Variants in CHRM3 observed in about 807,000 individuals in gnomAD.
The protein encoded by CHRM3 is muscarinic acetylcholine receptor M3.
CHRM3 carries 11 observed loss-of-function variants against 41.8 expected under a neutral mutation model. That is an observed-to-expected ratio of 0.26 (90% CI 0.17 to 0.44). The LOEUF (loss-of-function observed/expected upper bound fraction) is 0.44, where lower values mean the gene tolerates loss of function less well. CHRM3 is among the 20% of genes least tolerant of loss of function. The pLI, the probability that CHRM3 is intolerant of heterozygous loss-of-function variation, is 1.00. For missense variants in CHRM3, 571 were observed against 745.4 expected (o/e 0.77, Z 2.72); for synonymous variants, 297 against 301.4 (o/e 0.99, Z 0.15).
intron 3 of CHRM3, among the ~76,000 whole-genome samples, chr1:239,576,788 T>TA (rs529490070): frequency 0.12 from 16,659 of 133,322 alleles, 1,910 homozygotes; most frequent in African/African-American, 0.31. Flanking sequence ...AGACCCTATC[T>TA]AAAAAAAAAA....
intron 1 of CHRM3, among the ~76,000 whole-genome samples, chr1:239,483,019 C>T (rs1666959918): frequency 6.6e-6 from 1 of 152,146 alleles, no homozygotes; most frequent in Non-Finnish European, 1.5e-5. Flanking sequence ...TTGTAAAAGA[C>T]ACTATTTGAA....
chr1:239,720,409 C>CA (rs962074432), intron 5 of CHRM3, among the ~76,000 whole-genome samples: 11 of 151,578 alleles, frequency 7.3e-5, no homozygotes, highest in South Asian at 2.1e-4. Flanking sequence ...TCTGAAACCC[C>CA]AAAAAAACCT....
At chr1:239,802,546 G>A (rs1024248437) in intron 5 of CHRM3, among the ~76,000 whole-genome samples, 3 of 152,166 alleles carry the variant, frequency 2.0e-5, no homozygotes, top group Non-Finnish European at 4.4e-5. Flanking sequence ...AGGAAAAGAA[G>A]CAGGGGGTCA....
chr1:239,640,271 T>C (rs1214642803), intron 4 of CHRM3, among the ~76,000 whole-genome samples: 3 of 152,240 alleles, frequency 2.0e-5, no homozygotes, highest in Non-Finnish European at 4.4e-5. Flanking sequence ...AGGATGATGC[T>C]GGCATCATAA....
At chr1:239,566,159 C>T (rs1661345626) in intron 3 of CHRM3, among the ~76,000 whole-genome samples, 1 of 152,060 alleles carries the variant, frequency 6.6e-6, no homozygotes, top group Non-Finnish European at 1.5e-5. Context: ...AGCAATTCTC[C>T]CGCCCTCTCT....
At chr1:239,415,080 G>C (rs552076411) in intron 1 of CHRM3, among the ~76,000 whole-genome samples, 1 of 152,264 alleles carries the variant, frequency 6.6e-6, no homozygotes, top group East Asian at 1.9e-4. Context: ...TTCAGTTTCT[G>C]GAGTAAAGTA....
chr1:239,616,615 C>T (rs1419352020), intron 3 of CHRM3, among the ~76,000 whole-genome samples: 2 of 151,974 alleles, frequency 1.3e-5, no homozygotes, highest in African/African-American at 2.4e-5. Context: ...TGTTGTTTGC[C>T]GTACCAGCAG....
intron 5 of CHRM3, chr1:239,703,746 C>T (rs1057444023): frequency 6.4e-4 from 98 of 152,178 alleles, no homozygotes; most frequent in African/African-American, 2.2e-3. Context: ...AGTAAAGTTA[C>T]TTGAACACCC....
chr1:239,553,796 A>G (rs142883240), intron 3 of CHRM3, among the ~76,000 whole-genome samples: 1 of 152,280 alleles, frequency 6.6e-6, no homozygotes, highest in East Asian at 1.9e-4. Context: ...GTCCCTTTAG[A>G]TATCCCCTCA....
At chr1:239,407,844 A>G (rs1204404314) in intron 1 of CHRM3, among the ~76,000 whole-genome samples, 1 of 152,236 alleles carries the variant, frequency 6.6e-6, no homozygotes, top group Non-Finnish European at 1.5e-5. Context: ...ATATACATTA[A>G]AAAGGAAGTA....
intron 5 of CHRM3, among the ~76,000 whole-genome samples, chr1:239,801,266 A>G (rs536565129): frequency 1.6e-4 from 24 of 152,212 alleles, no homozygotes; most frequent in Non-Finnish European, 2.6e-4. Context: ...CCCCAAATAC[A>G]CACCTCTCTG....
intron 5 of CHRM3, chr1:239,719,575 T>G (rs941991177): frequency 6.6e-6 from 1 of 151,942 alleles, no homozygotes; most frequent in Non-Finnish European, 1.5e-5. Context: ...CTGACCTGTA[T>G]ACGTAAGGAA....
intron 1 of CHRM3, among the ~76,000 whole-genome samples, chr1:239,429,917 T>A (rs1369608160): frequency 6.6e-6 from 1 of 151,454 alleles, no homozygotes; most frequent in Non-Finnish European, 1.5e-5. Context: ...TTAAAGGAAA[T>A]AAATGCCCAA....
At chr1:239,851,047 GA>G (rs1169997704) in intron 6 of CHRM3, among the ~76,000 whole-genome samples, 3 of 151,982 alleles carry the variant, frequency 2.0e-5, no homozygotes, top group African/African-American at 7.2e-5. Flanking sequence ...TGAAGCTACA[GA>G]AAAAATGAGA....
intron 4 of CHRM3, among the ~76,000 whole-genome samples, chr1:239,672,873 C>T (rs1674519340): frequency 6.6e-6 from 1 of 151,868 alleles, no homozygotes; most frequent in South Asian, 2.1e-4. Context: ...GTGCAGTTTC[C>T]CCACCTTCCT....
chr1:239,593,599 A>C (rs1238492650), intron 3 of CHRM3, among the ~76,000 whole-genome samples: 1 of 152,186 alleles, frequency 6.6e-6, no homozygotes, highest in Non-Finnish European at 1.5e-5. Flanking sequence ...TATGACGATG[A>C]ATATTAGAAC....
chr1:239,799,800 T>C (rs1180709352), intron 5 of CHRM3, among the ~76,000 whole-genome samples: 1 of 152,172 alleles, frequency 6.6e-6, no homozygotes, highest in African/African-American at 2.4e-5. Context: ...TATAAAATAC[T>C]GAAAAGCATT....
intron 4 of CHRM3, among the ~76,000 whole-genome samples, chr1:239,640,479 G>C (rs367749944): frequency 3.0e-4 from 46 of 152,082 alleles, no homozygotes; most frequent in South Asian, 1.9e-3. Flanking sequence ...CAACTTCTTC[G>C]TGGTTTAGTC....
chr1:239,474,509 T>C (rs1449916886), intron 1 of CHRM3, among the ~76,000 whole-genome samples: 1 of 152,156 alleles, frequency 6.6e-6, no homozygotes, highest in Non-Finnish European at 1.5e-5. Flanking sequence ...AACTTGTTTT[T>C]CTCACTCTTG....
Sources: gnomAD v4.1 joint callset for allele counts (sites outside exome capture counted in the v4.1 genomes callset) on GRCh38, gnomAD v4.1.1 for gene constraint, MANE v1.5 for transcripts, NCBI Gene and HGNC (gene_info 2026-07-23, HGNC 2026-07-21) for gene names.